MKLN1: variants seen among roughly 807,000 people sequenced by gnomAD.
The protein encoded by MKLN1 is muskelin 1.
MKLN1 carries 18 observed loss-of-function variants against 99.0 expected under a neutral mutation model. The ratio of observed to expected loss-of-function variants is 0.18; its 90% CI spans 0.13 to 0.27. The LOEUF (loss-of-function observed/expected upper bound fraction) is 0.27, where lower values mean the gene tolerates loss of function less well. Ranked by LOEUF, MKLN1 falls within the 10% of genes least tolerant of loss-of-function variation. MKLN1 has a pLI of 1.00. For synonymous variants in MKLN1, 288 were observed against 293.2 expected, an observed-to-expected ratio of 0.98 and a Z score of 0.18; for missense variants, 621 against 875.9, an observed-to-expected ratio of 0.71 and a Z score of 3.67.
In MKLN1 at chr7:131,443,602, A is replaced by C; in HGVS notation, c.1295A>C (p.Asn432Thr). The C allele has an allele frequency of 6.2e-7, 1 of 1,614,170 alleles. No individual in the cohort carries two copies. The highest frequency in any genetic ancestry group is 8.5e-7 in the Non-Finnish European group (1 of 1,179,990). Residue 432 changes from asparagine (N) to threonine (T), a missense_variant, in exon 11 of 18, where the codon AAC (asparagine) becomes ACC (threonine). Coordinates refer to ENST00000352689, the MANE Select transcript of MKLN1 (RefSeq NM_013255.5). ...EPQFSGLFAF[N>T]CQCQTWKLLR... ...CAATTCAGTGGCTTGTTTGCTTTCA[A>C]CTGTCAATGTCAAACCTGGAAACTT...
intron 3 of MKLN1, among the ~76,000 whole-genome samples, chr7:131,223,329 C>A (rs1364313605): frequency 6.6e-6 from 1 of 152,210 alleles, no homozygotes; most frequent in African/African-American, 2.4e-5. Context: ...GGCTTCCTTA[C>A]TCTGGAAGAC....
intron 4 of MKLN1, among the ~76,000 whole-genome samples, chr7:131,391,582 C>A (rs1376223611): frequency 6.6e-6 from 1 of 152,164 alleles, no homozygotes; most frequent in South Asian, 2.1e-4. Flanking sequence ...CTTTTAAGAT[C>A]TGTTGTGGAT....
rs970956225 is a variant in MKLN1 at position 131,153,096 on chromosome 7, A to C, written c.-297+10155A>C. Among the ~76,000 whole-genome samples the C allele has an allele frequency of 1.3e-4, 19 of 150,524 alleles. No individual in the cohort carries two copies. The South Asian group carries it at 2.7e-3, about 22-fold the overall frequency. ...GGAGTATTTTGCCATTAGGTGGTAC[A>C]TAAAAATCTCTTCTTTTGTGATGTT... On this transcript the variant is annotated intron_variant, in intron 2 of 7. Transcript: ENST00000416992.
intron 1 of MKLN1, among the ~76,000 whole-genome samples, chr7:131,373,575 T>A (rs1793535934): frequency 6.6e-6 from 1 of 152,310 alleles, no homozygotes; most frequent in Admixed American, 6.5e-5. Context: ...TATAAATAAG[T>A]CTATAATTAT....
rs193052794 is a variant in MKLN1 at position 131,231,053 on chromosome 7, G to A, written c.-179+28079G>A. Among the ~76,000 whole-genome samples, 74 of 142,218 alleles carry A rather than the reference G, an allele frequency of 5.2e-4. 1 individual carries two copies. The highest frequency in any genetic ancestry group is 4.0e-3 in the Middle Eastern group (1 of 250). 93.3% of individuals were successfully genotyped at this position (142,218 alleles called of 152,430 possible). A position where few individuals can be genotyped will look rare whatever the true frequency, so the allele number is the denominator to read the frequency against. ...GAGAATCGTTTGAACCTGGGAGGCC[G>A]AGGTTGCAGTGAGCGGAGATCGTAC... On this transcript the variant is annotated intron_variant, in intron 3 of 7. Coordinates refer to the MKLN1 transcript ENST00000416992.
intron 1 of MKLN1, among the ~76,000 whole-genome samples, chr7:131,330,381 G>A (rs1199313394): frequency 4.6e-5 from 7 of 152,130 alleles, no homozygotes; most frequent in Non-Finnish European, 5.9e-5. Flanking sequence ...TAACAAAAAT[G>A]GTAAACATTT....
chr7:131,235,230 G>T (rs2129558), intron 3 of MKLN1, among the ~76,000 whole-genome samples: 3 of 151,674 alleles, frequency 2.0e-5, no homozygotes. Context: ...CTTTCTCTCT[G>T]TGTCTCTCTC....
At chr7:131,128,078 G>C (rs1795490236) in intron 1 of MKLN1, among the ~76,000 whole-genome samples, 1 of 151,984 alleles carries the variant, frequency 6.6e-6, no homozygotes. Context: ...AAAACCTATA[G>C]ATCAGTTGGC....
At chr7:131,411,623 A>G (rs1167425309) in intron 7 of MKLN1, among the ~76,000 whole-genome samples, 2 of 151,852 alleles carry the variant, frequency 1.3e-5, no homozygotes, top group Non-Finnish European at 2.9e-5. Flanking sequence ...AATTAGCTAT[A>G]CAGCCGAGTG....
At chr7:131,316,029 C>A (rs1798662653) in intron 3 of MKLN1, among the ~76,000 whole-genome samples, 1 of 152,204 alleles carries the variant, frequency 6.6e-6, no homozygotes, top group Non-Finnish European at 1.5e-5. Flanking sequence ...CTGAAGAGAG[C>A]AGCTGATCCT....
chr7:131,266,879 A>G (rs1466665500), intron 3 of MKLN1, among the ~76,000 whole-genome samples: 2 of 151,990 alleles, frequency 1.3e-5, no homozygotes, highest in Non-Finnish European at 2.9e-5. Context: ...TGTCTTGGGG[A>G]AAAAGGATAG....
chr7:131,262,361 C>T (rs1464171917), intron 3 of MKLN1, among the ~76,000 whole-genome samples: 1 of 151,606 alleles, frequency 6.6e-6, no homozygotes, highest in Non-Finnish European at 1.5e-5. Flanking sequence ...GGCTTGAACC[C>T]GGGAGGCAGA....
intron 3 of MKLN1, chr7:131,310,496 G>A (rs894548189): frequency 2.0e-4 from 30 of 152,160 alleles, no homozygotes; most frequent in African/African-American, 7.0e-4. Flanking sequence ...AGTGTACCAT[G>A]AATTTAGTTT....
At chr7:131,341,766 GA>G (rs775917545) in intron 1 of MKLN1, among the ~76,000 whole-genome samples, 2 of 152,216 alleles carry the variant, frequency 1.3e-5, no homozygotes, top group Non-Finnish European at 2.9e-5. Flanking sequence ...TTCTCATAAG[GA>G]GCACCCAACC....
At chr7:131,196,527 ATT>A (rs34216169) in intron 2 of MKLN1, among the ~76,000 whole-genome samples, 9 of 151,062 alleles carry the variant, frequency 6.0e-5, no homozygotes, top group African/African-American at 1.2e-4. Context: ...CGACACATTC[ATT>A]TTTTTTTTTC....
chr7:131,348,279 A>G (rs1209480046), intron 1 of MKLN1, among the ~76,000 whole-genome samples: 1 of 152,162 alleles, frequency 6.6e-6, no homozygotes, highest in African/African-American at 2.4e-5. Flanking sequence ...TTATTTGTGA[A>G]TTTTATGCGA....
intron 3 of MKLN1, among the ~76,000 whole-genome samples, chr7:131,275,365 G>GTT (rs909251138): frequency 1.4e-3 from 152 of 105,180 alleles, no homozygotes; most frequent in Non-Finnish European, 1.8e-3. Flanking sequence ...GTTGTTGTTG[G>GTT]TTTTTTTTTT....
chr7:131,248,030 C>A (rs934377223), intron 3 of MKLN1, among the ~76,000 whole-genome samples: 3 of 152,114 alleles, frequency 2.0e-5, no homozygotes, highest in Non-Finnish European at 2.9e-5. Flanking sequence ...TCCCAAGTAG[C>A]TGAGACTACT....
In MKLN1 at chr7:131,443,526, A is replaced by T. The variant is rs1394007393; in HGVS notation, c.1219A>T (p.Arg407Ter). 6.2e-7 allele frequency: 1 copy of T among 1,614,072 alleles called. No homozygotes were observed. Among genetic ancestry groups the T allele is most frequent in the Non-Finnish European group, 8.5e-7 (1 of 1,179,944 alleles). ...ACATATGATCTACACTTTTGGTGGT[A>T]GAATTTTGACTTGTAATGGCAGCGT... Reference protein sequence around the residue: ...EKHMIYTFGGRILTCNGSVDD... With the variant: ...EKHMIYTFGG The change falls in exon 11 of 18, where the codon AGA becomes TGA. Residue 407 changes from arginine (R) to a stop codon, truncating the protein, a stop_gained. Transcript: ENST00000352689. LOFTEE classifies it high-confidence loss of function.
Sources: allele counts gnomAD v4.1 joint callset (sites outside exome capture counted in the v4.1 genomes callset), GRCh38; gene constraint gnomAD v4.1.1; transcripts MANE v1.5; gene names NCBI Gene and HGNC (gene_info 2026-07-23, HGNC 2026-07-21).